Variants in DSCAM observed in about 807,000 individuals in gnomAD.
DSCAM encodes the protein cell adhesion molecule DSCAM.
Under a neutral mutation model 217.7 loss-of-function variants are expected in DSCAM, and 47 were observed. The ratio of observed to expected loss-of-function variants is 0.22; its 90% confidence interval spans 0.17 to 0.28. The LOEUF (loss-of-function observed/expected upper bound fraction) is 0.28. DSCAM is among the 10% of genes least tolerant of loss of function. The pLI is 1.00. For synonymous variants in DSCAM, 1,056 were observed against 1,015.3 expected, an observed-to-expected ratio of 1.04 and a Z score of -0.76; for missense variants, 2,080 against 2,618.3, an observed-to-expected ratio of 0.79 and a Z score of 4.49.
Position 40,019,011 on chromosome 21 carries a change from G to A in DSCAM, c.5687-5625C>T, listed in dbSNP as rs2088215226. ...TCAACTGTGTGCGTGCTGCAAATGAGTTCTCTCAATAATTAATGCACTTAC... is the reference window on the plus strand; with the variant it reads ...TCAACTGTGTGCGTGCTGCAAATGAATTCTCTCAATAATTAATGCACTTAC... On this transcript the variant is annotated intron_variant, in intron 32 of 32. Transcript: ENST00000400454. 2.0e-5 allele frequency among the ~76,000 whole-genome samples: 3 copies of A among 152,320 alleles called. No individual in the cohort carries two copies. In the South Asian group the frequency reaches 6.2e-4, roughly 32 times the overall value.
chr21:40,688,534 G>A (rs1601851261), intron 3 of DSCAM, among the ~76,000 whole-genome samples: 1 of 152,264 alleles, frequency 6.6e-6, no homozygotes, highest in South Asian at 2.1e-4. Flanking sequence ...GATAAGTGAT[G>A]AGGATGTCTA....
chr21:40,180,854 C>T (rs1173044348), intron 14 of DSCAM, among the ~76,000 whole-genome samples: 1 of 151,998 alleles, frequency 6.6e-6, no homozygotes, highest in African/African-American at 2.4e-5. Flanking sequence ...ATATGGTGGA[C>T]CTGGGTAGGG....
intron 10 of DSCAM, among the ~76,000 whole-genome samples, chr21:40,289,016 A>T (rs1451332901): frequency 1.3e-5 from 2 of 152,324 alleles, no homozygotes; most frequent in South Asian, 2.1e-4. Context: ...ATCAAGTCCA[A>T]ATTTAATGAC....
intron 15 of DSCAM, among the ~76,000 whole-genome samples, chr21:40,168,280 T>C (rs1380622356): frequency 2.6e-5 from 4 of 152,142 alleles, no homozygotes; most frequent in Non-Finnish European, 5.9e-5. Flanking sequence ...TGAGAGACAA[T>C]TCCAATTACA....
chr21:40,689,584 C>T (rs1042651154), intron 3 of DSCAM, among the ~76,000 whole-genome samples: 1 of 152,232 alleles, frequency 6.6e-6, no homozygotes, highest in African/African-American at 2.4e-5. Flanking sequence ...ATTTCCATGG[C>T]TGATTTAGTT....
chr21:40,297,647 G>A (rs762866863), intron 9 of DSCAM, among the ~76,000 whole-genome samples: 3 of 152,200 alleles, frequency 2.0e-5, no homozygotes, highest in Non-Finnish European at 4.4e-5. Flanking sequence ...CTGAGCCAAC[G>A]TGACGATCGC....
chr21:40,263,452 T>G (rs768180550), intron 11 of DSCAM, among the ~76,000 whole-genome samples: 2 of 152,200 alleles, frequency 1.3e-5, no homozygotes, highest in Non-Finnish European at 2.9e-5. Context: ...AATCTACCTC[T>G]GAATGATTTT....
intron 8 of DSCAM, among the ~76,000 whole-genome samples, chr21:40,314,218 C>T (rs1242833133): frequency 1.3e-5 from 2 of 152,186 alleles, no homozygotes; most frequent in Non-Finnish European, 2.9e-5. Context: ...TGACGGCTGT[C>T]TGCTTTCAAA....
chr21:40,220,654 C>T (rs1482936770), intron 11 of DSCAM, among the ~76,000 whole-genome samples: 2 of 152,174 alleles, frequency 1.3e-5, no homozygotes, highest in African/African-American at 4.8e-5. Context: ...TGGTGCCACA[C>T]AGTGATGAGG....
intron 3 of DSCAM, among the ~76,000 whole-genome samples, chr21:40,498,668 C>CATATAT (rs1284319297): frequency 7.4e-4 from 21 of 28,518 alleles, no homozygotes; most frequent in Admixed American, 9.6e-4. Context: ...TATATATACC[C>CATATAT]ATATATATAT....
intron 3 of DSCAM, among the ~76,000 whole-genome samples, chr21:40,447,636 C>T (rs767378269): frequency 6.6e-6 from 1 of 152,214 alleles, no homozygotes; most frequent in Non-Finnish European, 1.5e-5. Context: ...TAAAAAAACA[C>T]ATTCATCATG....
chr21:40,067,051 T>C (rs1430699051), intron 27 of DSCAM, among the ~76,000 whole-genome samples: 2 of 152,208 alleles, frequency 1.3e-5, no homozygotes, highest in African/African-American at 2.4e-5. Context: ...ATGCCTGACC[T>C]ACCAAACATC....
intron 11 of DSCAM, among the ~76,000 whole-genome samples, chr21:40,202,036 G>A (rs2091075487): frequency 1.3e-5 from 2 of 152,192 alleles, no homozygotes; most frequent in East Asian, 1.9e-4. Context: ...TTCTACTTGG[G>A]TGCCCCAGTT....
At chr21:40,612,162 A>T (rs55868605) in intron 3 of DSCAM, among the ~76,000 whole-genome samples, 18,096 of 152,130 alleles carry the variant, frequency 0.12, 1,502 homozygotes, top group East Asian at 0.23. Flanking sequence ...ATCCAACACG[A>T]TTTTATAGAA....
At chr21:40,739,131 G>A (rs757151781) in intron 1 of DSCAM, among the ~76,000 whole-genome samples, 3 of 152,178 alleles carry the variant, frequency 2.0e-5, no homozygotes, top group Non-Finnish European at 4.4e-5. Context: ...GAGGATTATA[G>A]TCTTATCTTG....
At chr21:40,842,223 C>A (rs551014164) in intron 1 of DSCAM, among the ~76,000 whole-genome samples, 5 of 152,330 alleles carry the variant, frequency 3.3e-5, no homozygotes, top group Admixed American at 2.6e-4. Context: ...CAAGGCCCAG[C>A]GTGCACTTCA....
intron 3 of DSCAM, among the ~76,000 whole-genome samples, chr21:40,609,426 A>G (rs76829535): frequency 0.017 from 2,618 of 152,340 alleles, 62 homozygotes; most frequent in African/African-American, 0.06. Context: ...TTAGTTATCA[A>G]TTAATACCTT....
chr21:40,591,326 T>C (rs185319762), intron 3 of DSCAM, among the ~76,000 whole-genome samples: 2 of 152,326 alleles, frequency 1.3e-5, no homozygotes, highest in East Asian at 3.9e-4. Flanking sequence ...TTTTTCCTCA[T>C]AGTTCAGGAG....
chr21:40,083,226 C>T (rs929736180), intron 24 of DSCAM, among the ~76,000 whole-genome samples: 2 of 152,158 alleles, frequency 1.3e-5, no homozygotes, highest in Non-Finnish European at 1.5e-5. Context: ...GTCAGAAGTT[C>T]GAGACCAGCC....
Sources: allele counts gnomAD v4.1 joint callset (sites outside exome capture counted in the v4.1 genomes callset), GRCh38; gene constraint gnomAD v4.1.1; transcripts MANE v1.5; gene names NCBI Gene and HGNC (gene_info 2026-07-23, HGNC 2026-07-21).